Variants in NOS1AP observed in about 807,000 individuals in gnomAD.
NOS1AP encodes carboxyl-terminal PDZ ligand of neuronal nitric oxide synthase protein.
In NOS1AP, 21 loss-of-function variants were observed where a neutral mutation model predicts 56.2. The observed-to-expected ratio is 0.37, with a 90% CI of 0.26 to 0.54. The LOEUF is 0.54. Among genes scored for constraint, NOS1AP ranks in the 20% least tolerant of loss-of-function variants. The pLI, the probability that NOS1AP is intolerant of heterozygous loss-of-function variation, is 0.84. For missense variants in NOS1AP, 522 were observed against 657.8 expected (o/e 0.79, Z 2.26); for synonymous variants, 270 against 274.6 (o/e 0.98, Z 0.17).
At chr1:162,285,126 G>A (rs1472375035) in intron 2 of NOS1AP, among the ~76,000 whole-genome samples, 1 of 152,176 alleles carries the variant, frequency 6.6e-6, no homozygotes, top group Non-Finnish European at 1.5e-5. Context: ...AACCTGTCTA[G>A]GGTAGGTTTT....
chr1:162,077,646 A>T (rs930841218), intron 1 of NOS1AP, among the ~76,000 whole-genome samples: 1 of 151,454 alleles, frequency 6.6e-6, no homozygotes, highest in Non-Finnish European at 1.5e-5. Flanking sequence ...TCTGCCTTCC[A>T]TGTCCTGTTA....
intron 4 of NOS1AP, among the ~76,000 whole-genome samples, chr1:162,330,737 G>A (rs1341827459): frequency 1.3e-5 from 2 of 152,208 alleles, no homozygotes; most frequent in Non-Finnish European, 2.9e-5. Context: ...TTGACAATAG[G>A]TGAGTTAGGA....
intron 2 of NOS1AP, among the ~76,000 whole-genome samples, chr1:162,241,541 C>T (rs1653488279): frequency 6.6e-6 from 1 of 152,136 alleles, no homozygotes; most frequent in Non-Finnish European, 1.5e-5. Flanking sequence ...CATTTAATCC[C>T]CATGACTGTA....
At chr1:162,338,311 C>T (rs1344092814) in intron 5 of NOS1AP, among the ~76,000 whole-genome samples, 1 of 152,200 alleles carries the variant, frequency 6.6e-6, no homozygotes, top group Middle Eastern at 3.4e-3. Context: ...CATTAAAGAA[C>T]CTTACTTGAA....
intron 2 of NOS1AP, among the ~76,000 whole-genome samples, chr1:162,264,060 A>G (rs1220400113): frequency 1.3e-5 from 2 of 152,154 alleles, no homozygotes; most frequent in African/African-American, 4.8e-5. Flanking sequence ...TCTACATCAG[A>G]CTTGCCTCCA....
rs185522555 is a variant in NOS1AP, at chr1:162,188,260, G to A, written c.177+33784G>A. ...TAAGCAAATGGTGCCCTTTGCAATC[G>A]TTTTGTAAATTATCTGTGGCCTGCT... On this transcript the variant is annotated intron_variant, in intron 2 of 9. Transcript: ENST00000361897. This position sits in a 1 kb window ranked among gnomAD's most constrained non-coding sequence, Gnocchi z 4.0. 1.1e-4 allele frequency among the ~76,000 whole-genome samples: 17 copies of A among 152,262 alleles called. No homozygotes were observed. The highest frequency in any genetic ancestry group is 4.4e-5 in the Non-Finnish European group (3 of 68,014).
intron 1 of NOS1AP, among the ~76,000 whole-genome samples, chr1:162,081,774 A>ATATATATTTTTTTTTTT: frequency 1.5e-3 from 68 of 44,034 alleles, no homozygotes; most frequent in African/African-American, 4.1e-3. Flanking sequence ...ATATATATAT[A>ATATATATTTTTTTTTTT]TTTTTTTTTT....
chr1:162,248,400 T>C (rs1425575665), intron 2 of NOS1AP, among the ~76,000 whole-genome samples: 1 of 152,182 alleles, frequency 6.6e-6, no homozygotes, highest in East Asian at 1.9e-4. Context: ...CCATTACCCA[T>C]ATGCTTTTCT....
At chr1:162,200,024 A>G (rs991667014) in intron 2 of NOS1AP, among the ~76,000 whole-genome samples, 1 of 152,066 alleles carries the variant, frequency 6.6e-6, no homozygotes, top group Non-Finnish European at 1.5e-5. Flanking sequence ...GTGGCATGTT[A>G]CCACGCGAGA....
chr1:162,205,566 T>C (rs930873576), intron 2 of NOS1AP, among the ~76,000 whole-genome samples: 8 of 152,238 alleles, frequency 5.3e-5, no homozygotes. Context: ...ACCACTCTAA[T>C]ATTCTCGTCT....
chr1:162,074,047 GTTATATC>G (rs1050179534), intron 1 of NOS1AP, among the ~76,000 whole-genome samples: 4 of 152,178 alleles, frequency 2.6e-5, no homozygotes, highest in East Asian at 1.9e-4. Flanking sequence ...ATTAATAATA[GTTATATC>G]TTATATCTGT....
intron 1 of NOS1AP, among the ~76,000 whole-genome samples, chr1:162,145,337 G>A (rs771523575): frequency 2.6e-5 from 4 of 152,082 alleles, no homozygotes; most frequent in Admixed American, 6.5e-5. Flanking sequence ...CCACATGGGC[G>A]CTTTGAGTCC....
At chr1:162,152,865 C>T (rs1054863843) in intron 1 of NOS1AP, among the ~76,000 whole-genome samples, 2 of 152,110 alleles carry the variant, frequency 1.3e-5, no homozygotes, top group African/African-American at 4.8e-5. Context: ...GCACAGATGT[C>T]GCAGTCTTAT....
chr1:162,283,100 CTCTCTG>C (rs993337495), intron 2 of NOS1AP, among the ~76,000 whole-genome samples: 3 of 151,230 alleles, frequency 2.0e-5, no homozygotes, highest in African/African-American at 7.4e-5. Context: ...CCCTCTCTCT[CTCTCTG>C]TGTGTGTGTG....
intron 1 of NOS1AP, among the ~76,000 whole-genome samples, chr1:162,094,744 G>A (rs143951487): frequency 6.6e-6 from 1 of 152,322 alleles, no homozygotes; most frequent in Non-Finnish European, 1.5e-5. Flanking sequence ...GTTTAGGATT[G>A]AGCAGAGAGG....
chr1:162,350,190 C>T (rs192471343), intron 6 of NOS1AP, among the ~76,000 whole-genome samples: 10 of 152,310 alleles, frequency 6.6e-5, no homozygotes, highest in Non-Finnish European at 8.8e-5. Context: ...TGGAGCTGCC[C>T]CACCTGACAC....
intron 2 of NOS1AP, among the ~76,000 whole-genome samples, chr1:162,242,980 T>C (rs1653537227): frequency 7.0e-6 from 1 of 142,860 alleles, no homozygotes; most frequent in African/African-American, 2.5e-5. Context: ...TCCTCCCCTA[T>C]ATACGCATAC....
chr1:162,181,847 A>G (rs568637899), intron 2 of NOS1AP, among the ~76,000 whole-genome samples: 4 of 152,368 alleles, frequency 2.6e-5, no homozygotes, highest in African/African-American at 9.6e-5. Flanking sequence ...GAAACATGGT[A>G]GACCACTGAG....
intron 5 of NOS1AP, among the ~76,000 whole-genome samples, chr1:162,339,181 C>T (rs142970640): frequency 6.6e-6 from 1 of 152,182 alleles, no homozygotes; most frequent in Non-Finnish European, 1.5e-5. Context: ...GAGCTAAGAG[C>T]CACTCTGAGG....
Sources: gnomAD v4.1 joint callset for allele counts (sites outside exome capture counted in the v4.1 genomes callset) on GRCh38, gnomAD v4.1.1 for gene constraint, Gnocchi (gnomAD v3.1) non-coding constraint, MANE v1.5 for transcripts, NCBI Gene and HGNC (gene_info 2026-07-23, HGNC 2026-07-21) for gene names.